PAMR1: variants seen among roughly 807,000 people sequenced by gnomAD.
PAMR1 encodes inactive serine protease PAMR1.
Under a neutral mutation model 81.8 loss-of-function variants are expected in PAMR1, and 88 were observed. That is an observed-to-expected ratio of 1.08 (90% CI 0.91 to 1.28). The LOEUF (loss-of-function observed/expected upper bound fraction) is 1.28. Among genes scored for constraint, PAMR1 ranks in the 50% most tolerant of loss-of-function variants. The probability of loss-of-function intolerance (pLI) is 0.00; values close to 1 mark genes in which losing one functional copy is unlikely to be tolerated. For synonymous variants in PAMR1, 336 were observed against 345.3 expected (o/e 0.97, Z 0.30); for missense variants, 935 against 919.7 (o/e 1.02, Z -0.21).
chr11:35,435,870 C>A, intron 9 of PAMR1, 33 bp downstream of exon 9: 1 of 1,498,306 alleles, frequency 6.7e-7, no homozygotes, highest in Non-Finnish European at 9.3e-7. Flanking sequence ...AAAGATTGAG[C>A]ATGCTCAAGC....
chr11:35,491,468 C>T (rs1176302422), intron 3 of PAMR1, among the ~76,000 whole-genome samples: 1 of 152,190 alleles, frequency 6.6e-6, no homozygotes, highest in African/African-American at 2.4e-5. Flanking sequence ...ATTCATCATT[C>T]AGGGCACTGT....
At chr11:35,447,343 C>T (rs1856316340) in intron 6 of PAMR1, among the ~76,000 whole-genome samples, 1 of 152,010 alleles carries the variant, frequency 6.6e-6, no homozygotes, top group Non-Finnish European at 1.5e-5. Context: ...GCTGGGACTA[C>T]AGCCACCTGC....
At chr11:35,474,069 A>G (rs1212525736) in intron 4 of PAMR1, among the ~76,000 whole-genome samples, 1 of 152,234 alleles carries the variant, frequency 6.6e-6, no homozygotes, top group Non-Finnish European at 1.5e-5. Flanking sequence ...GCATTTATCA[A>G]TAGTTACAAT....
Position 35,432,637 on chromosome 11 carries a change from GCGAGTC to G in PAMR1, c.1876_1881del (p.Asp626_Ser627del). On this transcript the variant is annotated inframe_deletion, in exon 11 of 11. Transcript: ENST00000619888. ...TCCTCATGCTGCTCCTCACACAGCA[GCGAGTC>G]CACCACACTGACCACCCCAGAGCGC... The G allele has an allele frequency of 1.2e-6, 2 of 1,614,108 alleles. No individual in the cohort carries two copies. The highest frequency in any genetic ancestry group is 1.7e-6 in the Non-Finnish European group (2 of 1,179,954).
At chr11:35,491,700 C>G (rs532291320) in intron 3 of PAMR1, among the ~76,000 whole-genome samples, 1 of 152,202 alleles carries the variant, frequency 6.6e-6, no homozygotes, top group East Asian at 1.9e-4. Context: ...TTCATACGTA[C>G]AGTGCACTAC....
At chr11:35,433,575 T>C (rs16927472) in intron 10 of PAMR1, among the ~76,000 whole-genome samples, 11,862 of 152,338 alleles carry the variant, frequency 0.078, 676 homozygotes, top group East Asian at 0.32. Flanking sequence ...TTGTGTCACA[T>C]TGATTATGAT....
Position 35,435,979 on chromosome 11 carries a change from G to A in PAMR1, c.1257C>T (p.Tyr419=). Residue 419 remains tyrosine (Y), a synonymous_variant, in exon 9 of 11, where the codon TAC becomes TAT. Coordinates refer to ENST00000619888, the MANE Select transcript of PAMR1 (RefSeq NM_001001991.3). ...QLQYECISPF[Y]RRLGSSRRTC... ...TCCTCCTGCTGCTGCCCAGGCGGCG[G>A]TAGAAGGGTGAGATGCACTCATACT... 2.5e-6 allele frequency: 4 copies of A among 1,614,212 alleles called. No homozygotes were observed. The South Asian group carries it at 4.4e-5, about 18-fold the overall frequency.
At chr11:35,498,453 T>C (rs1850768051) in intron 1 of PAMR1, among the ~76,000 whole-genome samples, 1 of 152,064 alleles carries the variant, frequency 6.6e-6, no homozygotes, top group South Asian at 2.1e-4. Flanking sequence ...AAATAATGCA[T>C]ATAAACAGCT....
upstream of PAMR1, chr11:35,525,904 G>A (rs1851379235): frequency 2.3e-6 from 1 of 435,268 alleles, no homozygotes; most frequent in Non-Finnish European, 4.2e-6. Context: ...TGGGGTCCCA[G>A]TGTTGGGTGC....
intron 1 of PAMR1, among the ~76,000 whole-genome samples, chr11:35,502,579 A>G (rs776135426): frequency 2.0e-5 from 3 of 152,182 alleles, no homozygotes; most frequent in Non-Finnish European, 4.4e-5. Flanking sequence ...GTCCCTGCAA[A>G]GGACATGATC....
chr11:35,474,636 T>G lies in PAMR1; in HGVS notation c.488A>C (p.Gln163Pro). ...TCTGGCCCCAGCTCCTTACCTTAGT[T>G]GGATGACAAACCCAGGTTTAGCATG... is the stretch of plus-strand genomic sequence containing the variant. ...TIHAKPGFVI[Q>P]LRFVMLSLEF... The change falls in exon 4 of 11, where the codon CAA (glutamine) becomes CCA (proline). Residue 163 changes from glutamine to proline, a missense_variant. Transcript: ENST00000619888. 1 of 1,590,054 alleles carries G rather than the reference T, an allele frequency of 6.3e-7. No individual in the cohort carries two copies. The highest frequency in any genetic ancestry group is 8.6e-7 in the Non-Finnish European group (1 of 1,166,224).
intron 8 of PAMR1, among the ~76,000 whole-genome samples, chr11:35,436,665 C>A (rs1442686085): frequency 2.0e-5 from 3 of 151,422 alleles, no homozygotes; most frequent in African/African-American, 4.9e-5. Flanking sequence ...GTCACACACA[C>A]ACACACACAC....
chr11:35,498,254 G>T (rs1565353468), intron 1 of PAMR1, among the ~76,000 whole-genome samples: 1 of 152,194 alleles, frequency 6.6e-6, no homozygotes, highest in Non-Finnish European at 1.5e-5. Context: ...ATTGTGAAAA[G>T]TCGAGGAGGG....
chr11:35,521,915 G>GTTTTTTTTTTTTT (rs955580689), intron 1 of PAMR1, among the ~76,000 whole-genome samples: 2 of 149,934 alleles, frequency 1.3e-5, no homozygotes, highest in South Asian at 2.1e-4. Context: ...TTTTTGTTTG[G>GTTTTTTTTTTTTT]TTTTTTTTTG....
intron 4 of PAMR1, among the ~76,000 whole-genome samples, chr11:35,474,356 T>A (rs1850245477): frequency 6.6e-6 from 1 of 152,204 alleles, no homozygotes; most frequent in Non-Finnish European, 1.5e-5. Context: ...AAACACTGTT[T>A]AAGATTTGCG....
intron 1 of PAMR1, among the ~76,000 whole-genome samples, chr11:35,499,624 A>G (rs1197068903): frequency 1.3e-5 from 2 of 152,132 alleles, no homozygotes; most frequent in African/African-American, 4.8e-5. Context: ...TCCCTAAAAT[A>G]GCTTTATTGG....
chr11:35,512,573 C>T (rs1344449161), intron 1 of PAMR1, among the ~76,000 whole-genome samples: 1 of 152,190 alleles, frequency 6.6e-6, no homozygotes, highest in Non-Finnish European at 1.5e-5. Context: ...AAATTTGAAT[C>T]CCAGCTCCAC....
At chr11:35,528,613 C>CTTT (rs58265525), upstream of PAMR1, among the ~76,000 whole-genome samples, 177 of 151,984 alleles carry the variant, frequency 1.2e-3, 1 homozygote, top group African/African-American at 4.0e-3. Flanking sequence ...TCTGTTTTTT[C>CTTT]TTTTTTTTGT....
chr11:35,480,774 T>C (rs1270275966), intron 3 of PAMR1, among the ~76,000 whole-genome samples: 1 of 152,208 alleles, frequency 6.6e-6, no homozygotes, highest in African/African-American at 2.4e-5. Flanking sequence ...GCCATGGTGG[T>C]TTGCTGCACC....
Sources: gnomAD v4.1 joint callset for allele counts (sites outside exome capture counted in the v4.1 genomes callset) on GRCh38, gnomAD v4.1.1 for gene constraint, MANE v1.5 for transcripts, NCBI Gene and HGNC (gene_info 2026-07-23, HGNC 2026-07-21) for gene names.